The following CCDC126 variants were observed in gnomAD, a reference collection of about 807,000 sequenced individuals.
CCDC126 encodes the protein coiled-coil domain-containing protein 126.
Under a neutral mutation model 11.7 loss-of-function variants are expected in CCDC126, and 5 were observed. The ratio of observed to expected loss-of-function variants is 0.43; its 90% CI spans 0.22 to 0.90. The LOEUF (loss-of-function observed/expected upper bound fraction) is 0.90. CCDC126 is among the 40% of genes least tolerant of loss of function. The pLI is 0.27. For synonymous variants in CCDC126, 60 were observed against 61.9 expected (o/e 0.97, Z 0.14); for missense variants, 150 against 163.1 (o/e 0.92, Z 0.44).
Position 23,630,718 on chromosome 7 carries a change from CAAAAAAAAAAAA to C in CCDC126, c.239-12195_239-12184del, listed in dbSNP as rs775279967. Among the ~76,000 whole-genome samples the C allele has an allele frequency of 3.9e-4, 10 of 25,526 alleles. No homozygotes were observed. In the South Asian group the frequency reaches 0.015, roughly 38 times the overall value. The allele number at this position is 25,526 out of a possible 152,430, so 16.7% of individuals were successfully genotyped here. ...TAGGTGACAGAGCAAGACCCTATCTCAAAAAAAAAAAAAAAAAAAAAAAAAAAAAGTCCATAG... is the reference window on the plus strand; with the variant it reads ...TAGGTGACAGAGCAAGACCCTATCTCAAAAAAAAAAAAAAAAAGTCCATAG... On this transcript the variant is annotated intron_variant, in intron 3 of 3. Transcript: ENST00000307471.
In CCDC126 at chr7:23,611,338, A is replaced by G. The variant is rs760128225; in HGVS notation, c.23A>G (p.Lys8Arg). The G allele has an allele frequency of 6.2e-7, 1 of 1,612,548 alleles. No homozygotes were observed. The highest frequency in any genetic ancestry group is 1.1e-5 in the South Asian group (1 of 90,898). MFFTISR[K>R]NMSQKLSLLL... ...GAAATGTTTTTTACAATCTCAAGAA[A>G]AAATATGTCCCAGAAATTGAGTTTA... The change falls in exon 3 of 4, where the codon AAA (lysine) becomes AGA (arginine). Residue 8 changes from lysine to arginine, a missense_variant. Physicochemically the swap from Lys to Arg is conservative, Grantham distance 26. Coordinates refer to ENST00000307471, the MANE Select transcript of CCDC126 (RefSeq NM_138771.4).
intron 3 of CCDC126, among the ~76,000 whole-genome samples, chr7:23,639,226 C>T: frequency 6.9e-6 from 1 of 143,942 alleles, no homozygotes; most frequent in East Asian, 2.0e-4. Flanking sequence ...GAGTCTCGCT[C>T]TGTCACCCAG....
chr7:23,612,098 A>G (rs1016714346), intron 3 of CCDC126, among the ~76,000 whole-genome samples: 3 of 148,872 alleles, frequency 2.0e-5, no homozygotes, highest in African/African-American at 7.5e-5. Flanking sequence ...GTGAGCTGAG[A>G]TCGCGCCGCT....
At chr7:23,640,939 A>G (rs1345645351) in intron 3 of CCDC126, among the ~76,000 whole-genome samples, 3 of 150,640 alleles carry the variant, frequency 2.0e-5, no homozygotes, top group South Asian at 4.2e-4. Context: ...TTGTGAATAA[A>G]CCTGAAATGA....
intron 3 of CCDC126, among the ~76,000 whole-genome samples, chr7:23,627,199 G>A (rs1020273647): frequency 2.6e-4 from 40 of 152,102 alleles, no homozygotes; most frequent in Admixed American, 2.6e-3. Context: ...CTCTTTATCA[G>A]TGTAGCTGAA....
chr7:23,608,887 G>A (rs1299333282), intron 2 of CCDC126, among the ~76,000 whole-genome samples: 1 of 152,142 alleles, frequency 6.6e-6, no homozygotes, highest in African/African-American at 2.4e-5. Context: ...GGATAATTTG[G>A]TAGGTAGGGG....
At chr7:23,629,750 T>C (rs1394960474) in intron 3 of CCDC126, among the ~76,000 whole-genome samples, 1 of 151,980 alleles carries the variant, frequency 6.6e-6, no homozygotes, top group African/African-American at 2.4e-5. Flanking sequence ...AACTGGAAGA[T>C]AGAACAATGT....
chr7:23,604,736 C>T (rs887903779), intron 2 of CCDC126, among the ~76,000 whole-genome samples: 11 of 152,070 alleles, frequency 7.2e-5, no homozygotes, highest in African/African-American at 2.7e-4. Context: ...GTGGCTCACA[C>T]CTGTAATCCC....
chr7:23,631,797 C>A (rs1046963136), intron 3 of CCDC126, among the ~76,000 whole-genome samples: 4 of 150,914 alleles, frequency 2.7e-5, no homozygotes, highest in Non-Finnish European at 4.4e-5. Context: ...ATTTAAAAGT[C>A]CCCCCCCACC....
chr7:23,642,256 G>A (rs997621108), intron 3 of CCDC126, among the ~76,000 whole-genome samples: 4 of 151,898 alleles, frequency 2.6e-5, no homozygotes, highest in African/African-American at 7.3e-5. Flanking sequence ...TCGTGATCCC[G>A]CCCGCCTCAG....
intron 3 of CCDC126, among the ~76,000 whole-genome samples, chr7:23,627,877 T>C (rs756655027): frequency 6.6e-6 from 1 of 152,104 alleles, no homozygotes; most frequent in Non-Finnish European, 1.5e-5. Context: ...AGGTATGAGC[T>C]ACCACTCCCA....
intron 3 of CCDC126, among the ~76,000 whole-genome samples, chr7:23,634,662 C>T (rs1209247961): frequency 2.6e-5 from 4 of 152,178 alleles, no homozygotes; most frequent in Non-Finnish European, 5.9e-5. Context: ...AATCAGCTGG[C>T]TTCTGCCTGG....
chr7:23,641,080 C>G (rs1441701394), intron 3 of CCDC126, among the ~76,000 whole-genome samples: 1 of 142,644 alleles, frequency 7.0e-6, no homozygotes, highest in African/African-American at 2.6e-5. Context: ...TTTTGAGGAA[C>G]TGGCAAACTC....
At chr7:23,607,292 T>C (rs1782639241) in intron 2 of CCDC126, among the ~76,000 whole-genome samples, 1 of 152,216 alleles carries the variant, frequency 6.6e-6, no homozygotes, top group African/African-American at 2.4e-5. Context: ...CCATAAGCCC[T>C]TGGCCTCAAT....
chr7:23,598,946 G>T (rs1029216158), intron 2 of CCDC126, among the ~76,000 whole-genome samples: 1 of 152,082 alleles, frequency 6.6e-6, no homozygotes, highest in Non-Finnish European at 1.5e-5. Flanking sequence ...CAATGATAAA[G>T]GTTTTTAGAG....
At chr7:23,614,360 A>T (rs1022856656) in intron 3 of CCDC126, among the ~76,000 whole-genome samples, 2 of 152,206 alleles carry the variant, frequency 1.3e-5, no homozygotes, top group African/African-American at 4.8e-5. Flanking sequence ...AAGTCTTATC[A>T]TGAGATTGCA....
At chr7:23,598,274 T>C (rs1254341893) in intron 2 of CCDC126, 1 of 152,212 alleles carries the variant, frequency 6.6e-6, no homozygotes, top group Non-Finnish European at 1.5e-5. Context: ...AGTTCTTCAT[T>C]TGATGAAAAG....
intron 3 of CCDC126, among the ~76,000 whole-genome samples, chr7:23,627,461 G>A (rs1783034993): frequency 6.6e-6 from 1 of 151,972 alleles, no homozygotes; most frequent in Admixed American, 6.6e-5. Context: ...CAGCTACTCG[G>A]GAGGCTGAAG....
Position 23,608,459 on chromosome 7 carries a change from A to G in CCDC126, c.-145-2712A>G, listed in dbSNP as rs115174740. On this transcript the variant is annotated intron_variant, in intron 2 of 3. Coordinates refer to ENST00000307471, the MANE Select transcript of CCDC126 (RefSeq NM_138771.4). Reference sequence around the variant, plus strand: ...AATTCATAAACTTTCTTAAAACACTATGATTTTTTTTGTGATTTTTAATTT... The same window carrying G: ...AATTCATAAACTTTCTTAAAACACTGTGATTTTTTTTGTGATTTTTAATTT... Among the ~76,000 whole-genome samples, 1,436 of 152,264 alleles carry G rather than the reference A, an allele frequency of 9.4e-3. 25 individuals are homozygous for G. The highest frequency in any genetic ancestry group is 0.033 in the African/African-American group (1,362 of 41,542).
Sources: allele counts gnomAD v4.1 joint callset (sites outside exome capture counted in the v4.1 genomes callset), GRCh38; gene constraint gnomAD v4.1.1; transcripts MANE v1.5; gene names NCBI Gene and HGNC (gene_info 2026-07-23, HGNC 2026-07-21).